Variants in METTL2A observed in about 807,000 individuals in gnomAD.
METTL2A encodes the protein tRNA N(3)-cytidine methyltransferase METTL2A.
A neutral mutation model predicts 49.4 loss-of-function variants in METTL2A; 45 were observed. The observed-to-expected ratio is 0.91, with a 90% confidence interval of 0.72 to 1.17. The LOEUF (loss-of-function observed/expected upper bound fraction) is 1.17, where lower values mean the gene tolerates loss of function less well. Ranked by LOEUF, METTL2A falls within the 50% of genes most tolerant of loss-of-function variation. The pLI is 0.00. For missense variants in METTL2A, 361 were observed against 462.2 expected, an observed-to-expected ratio of 0.78 and a Z score of 2.01; for synonymous variants, 118 against 167.5, an observed-to-expected ratio of 0.70 and a Z score of 2.28.
chr17:62,425,499 G>T (rs1466889720), intron 2 of METTL2A, among the ~76,000 whole-genome samples: 1 of 147,358 alleles, frequency 6.8e-6, no homozygotes, highest in South Asian at 2.1e-4. Flanking sequence ...CGATTCCCCT[G>T]CCTCAGCCTC....
Position 62,451,376 on chromosome 17 carries a change from G to A in METTL2A, c.*2647G>A, listed in dbSNP as rs1350686081. 6.6e-6 allele frequency among the ~76,000 whole-genome samples: 1 copy of A among 150,802 alleles called. No homozygotes were observed. The highest frequency in any genetic ancestry group is 2.0e-4 in the East Asian group (1 of 5,048). On this transcript the variant is annotated 3_prime_UTR_variant, in exon 9 of 9. Coordinates refer to ENST00000311506, the MANE Select transcript of METTL2A (RefSeq NM_181725.4). ...TTGGTCAGGCTGATCTCGAACTCCC[G>A]ACCTCAGGTGATCTGCCCGCCTTGG...
intron 2 of METTL2A, among the ~76,000 whole-genome samples, chr17:62,424,957 T>C (rs1339863649): frequency 6.7e-6 from 1 of 150,092 alleles, no homozygotes; most frequent in Non-Finnish European, 1.5e-5. Context: ...GCTGAAAGAG[T>C]TCTGTACAAC....
intron 3 of METTL2A, among the ~76,000 whole-genome samples, chr17:62,427,092 C>T (rs1431588593): frequency 6.6e-6 from 1 of 152,110 alleles, no homozygotes; most frequent in East Asian, 1.9e-4. Flanking sequence ...TAATTCTCTT[C>T]CTCTGCATTT....
At chr17:62,441,593 C>G (rs569514432) in intron 6 of METTL2A, among the ~76,000 whole-genome samples, 8 of 149,876 alleles carry the variant, frequency 5.3e-5, no homozygotes, top group Non-Finnish European at 1.0e-4. Flanking sequence ...ATTACAGGCA[C>G]CTGCTACCAT....
At chr17:62,439,970 A>G (rs189544998) in intron 5 of METTL2A, among the ~76,000 whole-genome samples, 223 of 151,702 alleles carry the variant, frequency 1.5e-3, no homozygotes, top group African/African-American at 5.2e-3. Context: ...CCTCCCTGAA[A>G]TAACATGCTA....
chr17:62,446,414 A>G (rs1415892718), intron 7 of METTL2A, among the ~76,000 whole-genome samples: 1 of 152,104 alleles, frequency 6.6e-6, no homozygotes, highest in Non-Finnish European at 1.5e-5. Flanking sequence ...GGGTTCAAGC[A>G]ATTCTCCTGC....
rs553982224 is a variant in METTL2A at position 62,432,446 on chromosome 17, A to T, written c.609-2786A>T. Among the ~76,000 whole-genome samples the T allele has an allele frequency of 3.3e-5, 5 of 152,258 alleles. No homozygotes were observed. In the South Asian group the frequency reaches 1.0e-3, roughly 32 times the overall value. Reference sequence around the variant, plus strand: ...CACTTTGGAAGGCCAAGGAGATAGGATCACCTGAGCCCAGGAGTTCAGGAC... The same window carrying T: ...CACTTTGGAAGGCCAAGGAGATAGGTTCACCTGAGCCCAGGAGTTCAGGAC... On this transcript the variant is annotated intron_variant, in intron 4 of 8. Transcript: ENST00000311506.
intron 6 of METTL2A, among the ~76,000 whole-genome samples, chr17:62,441,894 C>G (rs1027026913): frequency 2.6e-5 from 4 of 151,476 alleles, no homozygotes; most frequent in Non-Finnish European, 5.9e-5. Context: ...GTGTACGCCA[C>G]CATGCCTGGC....
intron 2 of METTL2A, 34 bp from the exon 3 acceptor site, chr17:62,426,265 C>T: frequency 6.5e-7 from 1 of 1,528,590 alleles, no homozygotes; most frequent in Non-Finnish European, 8.9e-7. Flanking sequence ...CATTTGAGAG[C>T]TGGTTCTTAA....
At chr17:62,430,538 A>T (rs1453378886) in intron 4 of METTL2A, among the ~76,000 whole-genome samples, 2 of 152,130 alleles carry the variant, frequency 1.3e-5, no homozygotes, top group Non-Finnish European at 2.9e-5. Context: ...CCCTCAGTGC[A>T]CTGGTCACAC....
In METTL2A at chr17:62,440,859, G is replaced by A. The variant is rs1202371910; in HGVS notation, c.809+103G>A. The stretch of plus-strand genomic sequence containing the variant: ...TTGCTCTGTCAGCCCAGGCTGGAGT[G>A]CAGTGGCACGATCATGGCTCACTGC... On this transcript the variant is annotated intron_variant, in intron 6 of 8. Coordinates refer to ENST00000311506, the MANE Select transcript of METTL2A (RefSeq NM_181725.4). 4.9e-6 allele frequency: 7 copies of A among 1,422,684 alleles called. No individual in the cohort carries two copies. The East Asian group carries it at 9.2e-5, about 19-fold the overall frequency. 88.1% of individuals were successfully genotyped at this position (1,422,684 alleles called of 1,614,324 possible).
At chr17:62,427,349 T>C (rs983002496) in intron 3 of METTL2A, among the ~76,000 whole-genome samples, 1 of 152,172 alleles carries the variant, frequency 6.6e-6, no homozygotes, top group Admixed American at 6.6e-5. Flanking sequence ...ATCTGGCACA[T>C]AGTTAAGCCC....
intron 4 of METTL2A, among the ~76,000 whole-genome samples, chr17:62,429,320 T>G (rs1488714739): frequency 1.3e-5 from 2 of 152,102 alleles, no homozygotes; most frequent in Non-Finnish European, 2.9e-5. Context: ...ATACAGAGTC[T>G]TGCTTCATCA....
chr17:62,445,898 A>G (rs1316320117), intron 7 of METTL2A, among the ~76,000 whole-genome samples: 1 of 152,194 alleles, frequency 6.6e-6, no homozygotes, highest in African/African-American at 2.4e-5. Flanking sequence ...GTAAGAAGGA[A>G]TATTTTCAGT....
At position 62,449,381 on chromosome 17, in the gene METTL2A, G is replaced by T. The variant is rs1290911118; in HGVS notation, c.*652G>T. The T allele has an allele frequency of 2.2e-6, 1 of 452,598 alleles. No homozygotes were observed. Among genetic ancestry groups the T allele is most frequent in the Non-Finnish European group, 4.4e-6 (1 of 226,094 alleles). 28.0% of individuals were successfully genotyped at this position (452,598 alleles called of 1,614,324 possible). ...ACCCTACAGAGAGCATCAAAATGTGGTGTTCTTGTTAAGTAATTGATCGTG... is the reference window on the plus strand; with the variant it reads ...ACCCTACAGAGAGCATCAAAATGTGTTGTTCTTGTTAAGTAATTGATCGTG... On this transcript the variant is annotated 3_prime_UTR_variant, in exon 9 of 9. Transcript: ENST00000311506.
chr17:62,428,787 G>GT (rs943653318), intron 4 of METTL2A, among the ~76,000 whole-genome samples: 7 of 151,986 alleles, frequency 4.6e-5, no homozygotes, highest in Admixed American at 1.3e-4. Context: ...TCATCAAGGG[G>GT]TTTTTTTTAG....
At position 62,447,736 on chromosome 17, in the gene METTL2A, G is replaced by A. The variant is rs2070778735; in HGVS notation, c.952G>A (p.Asp318Asn). The A allele has an allele frequency of 5.0e-6, 8 of 1,614,206 alleles. No homozygotes were observed. Among genetic ancestry groups the A allele is most frequent in the Non-Finnish European group, 6.8e-6 (8 of 1,180,034 alleles). Residue 318 changes from aspartate (D) to asparagine (N), a missense_variant, in exon 8 of 9, where the codon GAT (aspartate) becomes AAT (asparagine). Physicochemically the swap from Asp to Asn is conservative, Grantham distance 23. Around this residue, in one of 3 missense-constraint regions of METTL2A, gnomAD observed 183 missense variants for 216.5 expected, o/e 0.85. Transcript: ENST00000311506. ...ATCTGGAAATTTCTACGTGAGAGGT[G>A]ATGGAACCAGAGTTTACTTCTTCAC... The part of the protein sequence containing the change: ...CLSGNFYVRG[D>N]GTRVYFFTQE...
intron 1 of METTL2A, 58 bp from the exon 2 acceptor site, chr17:62,424,161 C>T (rs2070606355): frequency 1.2e-6 from 2 of 1,612,510 alleles, no homozygotes; most frequent in African/African-American, 1.3e-5. Flanking sequence ...AGGCCAGCGA[C>T]TCACCCTGCC....
rs183888689 is a variant in METTL2A at position 62,430,061 on chromosome 17, A to G, written c.608+2224A>G. ...CTGTTTCTCAAAGGTTTCATATAAT[A>G]TATACTTTGCCAATTTAGCCCACAG... On this transcript the variant is annotated intron_variant, in intron 4 of 8. Transcript: ENST00000311506. Among the ~76,000 whole-genome samples, 16 of 152,370 alleles carry G rather than the reference A, an allele frequency of 1.1e-4. No homozygotes were observed. In the East Asian group the frequency reaches 1.9e-3, roughly 18 times the overall value.
Sources: gnomAD v4.1 joint callset for allele counts (sites outside exome capture counted in the v4.1 genomes callset) on GRCh38, gnomAD v4.1.1 for gene constraint, gnomAD v4.1.1 regional missense constraint, MANE v1.5 for transcripts, NCBI Gene and HGNC (gene_info 2026-07-23, HGNC 2026-07-21) for gene names.